GNAL: variants seen among roughly 807,000 people sequenced by gnomAD.
The protein encoded by GNAL is guanine nucleotide-binding protein G(olf) subunit alpha.
In GNAL, 18 loss-of-function variants were observed where a neutral mutation model predicts 55.1. That is an observed-to-expected ratio of 0.33 (90% CI 0.23 to 0.48). The LOEUF (loss-of-function observed/expected upper bound fraction) is 0.48, where lower values mean the gene tolerates loss of function less well. GNAL is among the 20% of genes least tolerant of loss of function. GNAL has a pLI of 0.99. For missense variants in GNAL, 412 were observed against 614.1 expected, an observed-to-expected ratio of 0.67 and a Z score of 3.48; for synonymous variants, 253 against 237.0, an observed-to-expected ratio of 1.07 and a Z score of -0.62.
intron 4 of GNAL, among the ~76,000 whole-genome samples, chr18:11,758,270 G>A (rs1184421672): frequency 6.6e-6 from 1 of 152,052 alleles, no homozygotes; most frequent in Admixed American, 6.5e-5. Context: ...GGGCTTGTTA[G>A]CAAAGGCTTT....
At position 11,811,165 on chromosome 18, in the gene GNAL, C is replaced by T. The variant is rs557588634; in HGVS notation, c.625-13753C>T. 6.6e-5 allele frequency among the ~76,000 whole-genome samples: 10 copies of T among 152,322 alleles called. No individual in the cohort carries two copies. The East Asian group carries it at 1.9e-3, about 29-fold the overall frequency. On this transcript the variant is annotated intron_variant, in intron 4 of 11. Coordinates refer to ENST00000334049, the MANE Select transcript of GNAL (RefSeq NM_182978.4). ...GCCACATTCCTGGGTGCCTTCCTTG[C>T]ACCCAAAGCCGCCAAAGGAGCCTCC...
rs1371097948 is a variant in GNAL, at chr18:11,689,614, CG to C, written c.52del (p.Asp18ThrfsTer64). 1 of 1,347,316 alleles carries C rather than the reference CG, an allele frequency of 7.4e-7. No individual in the cohort carries two copies. Among genetic ancestry groups the C allele is most frequent in the Admixed American group, 4.0e-5 (1 of 24,696 alleles). The allele number at this position is 1,347,316 out of a possible 1,614,324, so 83.5% of individuals were successfully genotyped here. On this transcript the variant is annotated frameshift_variant, in exon 1 of 12. Transcript: ENST00000334049. LOFTEE classifies it high-confidence loss of function. ...RPLLFGGPGD[D>X]PCAASEPPVE... Reference sequence around the variant, plus strand: ...CGCTGCTTTTCGGGGGCCCAGGGGACGACCCCTGCGCGGCCTCGGAGCCGCC... The same window carrying C: ...CGCTGCTTTTCGGGGGCCCAGGGGACACCCCTGCGCGGCCTCGGAGCCGCC...
Position 11,872,349 on chromosome 18 carries a change from A to G in GNAL, c.1113A>G (p.Lys371=). Reference sequence around the variant, plus strand: ...AAAAAGTCTTGGCAGGGAAATCAAAAATTGAAGACTATTTCCCAGAATATG... The same window carrying G: ...AAAAAGTCTTGGCAGGGAAATCAAAGATTGAAGACTATTTCCCAGAATATG... ...LAEKVLAGKS[K]IEDYFPEYAN... is the part of the protein sequence containing the mutation. The change falls in exon 10 of 12, where the codon AAA becomes AAG. Residue 371 remains lysine (K), a synonymous_variant. Coordinates refer to ENST00000334049, the MANE Select transcript of GNAL (RefSeq NM_182978.4). 1 of 1,569,190 alleles carries G rather than the reference A, an allele frequency of 6.4e-7. No individual in the cohort carries two copies.
intron 5 of GNAL, among the ~76,000 whole-genome samples, chr18:11,860,164 C>T (rs1206875925): frequency 2.6e-5 from 4 of 152,160 alleles, no homozygotes; most frequent in African/African-American, 9.7e-5. Context: ...CACAGTTGCC[C>T]CCACTGTTTC....
intron 5 of GNAL, chr18:11,851,332 T>A (rs2035857296): frequency 1.3e-6 from 1 of 772,134 alleles, no homozygotes; most frequent in East Asian, 2.9e-5. Context: ...CCCGGCGCCT[T>A]CCGTCCCGCA....
chr18:11,794,655 G>T (rs1482087661), intron 4 of GNAL, among the ~76,000 whole-genome samples: 3 of 151,476 alleles, frequency 2.0e-5, no homozygotes, highest in Admixed American at 2.0e-4. Flanking sequence ...AACTAGAGGG[G>T]CAGTTACACA....
intron 6 of GNAL, among the ~76,000 whole-genome samples, chr18:11,863,276 C>T (rs954473534): frequency 6.6e-6 from 1 of 152,186 alleles, no homozygotes; most frequent in Non-Finnish European, 1.5e-5. Context: ...TTGCTCAATT[C>T]AGGAGACTTC....
chr18:11,803,842 T>C (rs909009817), intron 4 of GNAL, among the ~76,000 whole-genome samples: 8 of 150,864 alleles, frequency 5.3e-5, no homozygotes, highest in African/African-American at 2.0e-4. Flanking sequence ...AGATACTGTG[T>C]AGTGGTGAAG....
intron 5 of GNAL, among the ~76,000 whole-genome samples, chr18:11,859,097 T>C (rs1167873445): frequency 1.3e-5 from 2 of 152,224 alleles, no homozygotes; most frequent in Non-Finnish European, 2.9e-5. Flanking sequence ...CCATTTTAAA[T>C]AGGTTACTTC....
intron 5 of GNAL, among the ~76,000 whole-genome samples, chr18:11,829,559 C>T (rs1211301430): frequency 6.6e-6 from 1 of 152,160 alleles, no homozygotes; most frequent in African/African-American, 2.4e-5. Flanking sequence ...CAAAATCAGG[C>T]CAGTAACAGG....
intron 5 of GNAL, chr18:11,851,723 G>T: frequency 6.2e-7 from 1 of 1,614,040 alleles, no homozygotes; most frequent in Non-Finnish European, 8.5e-7. Flanking sequence ...ATGAGTGCGC[G>T]AGTCGATGCA....
Position 11,884,924 on chromosome 18 carries a change from T to C in GNAL, c.*3789T>C, listed in dbSNP as rs1003264535. The C allele has an allele frequency of 1.3e-5, 17 of 1,288,252 alleles. No individual in the cohort carries two copies. Among genetic ancestry groups the C allele is most frequent in the African/African-American group, 6.1e-5 (4 of 65,980 alleles). The allele number at this position is 1,288,252 out of a possible 1,614,324, so 79.8% of individuals were successfully genotyped here. The stretch of plus-strand genomic sequence containing the variant: ...CTCACTGGGTTCCCATCAAATATAG[T>C]GGGGGATCCATAACAGAGATTCAGA... On this transcript the variant is annotated 3_prime_UTR_variant, in exon 12 of 12. Transcript: ENST00000334049.
At chr18:11,732,591 G>A (rs2032364408) in intron 1 of GNAL, among the ~76,000 whole-genome samples, 1 of 151,458 alleles carries the variant, frequency 6.6e-6, no homozygotes, top group East Asian at 1.9e-4. Flanking sequence ...ATGGGTATCT[G>A]TTCAAAAAGG....
intron 5 of GNAL, among the ~76,000 whole-genome samples, chr18:11,830,691 A>G (rs2035360537): frequency 6.6e-6 from 1 of 152,196 alleles, no homozygotes; most frequent in Non-Finnish European, 1.5e-5. Flanking sequence ...TCATAGCAAT[A>G]TTTGTCATCA....
intron 4 of GNAL, among the ~76,000 whole-genome samples, chr18:11,755,319 G>T (rs9957311): frequency 6.6e-6 from 1 of 151,914 alleles, no homozygotes; most frequent in East Asian, 1.9e-4. Flanking sequence ...TCTCTCTGTC[G>T]TCCAGGCTGG....
chr18:11,801,855 G>A (rs1392762473), intron 4 of GNAL, among the ~76,000 whole-genome samples: 2 of 152,122 alleles, frequency 1.3e-5, no homozygotes, highest in Non-Finnish European at 2.9e-5. Context: ...GCAGGTCCCG[G>A]GGGTCAGGAG....
chr18:11,858,638 C>G (rs1043984427), intron 5 of GNAL, among the ~76,000 whole-genome samples: 23 of 152,200 alleles, frequency 1.5e-4, no homozygotes, highest in Admixed American at 1.2e-3. Context: ...ATCTACCACT[C>G]TATTATTTAT....
At chr18:11,793,338 G>A (rs963801872) in intron 4 of GNAL, among the ~76,000 whole-genome samples, 1 of 152,304 alleles carries the variant, frequency 6.6e-6, no homozygotes, top group Admixed American at 6.5e-5. Context: ...CATTTTGGGA[G>A]GCTGAGGTGG....
intron 4 of GNAL, among the ~76,000 whole-genome samples, chr18:11,771,542 A>C (rs565973068): frequency 6.6e-6 from 1 of 152,264 alleles, no homozygotes; most frequent in East Asian, 1.9e-4. Context: ...CCCCTAGGAC[A>C]CACTGTCATG....
Sources: allele counts gnomAD v4.1 joint callset (sites outside exome capture counted in the v4.1 genomes callset), GRCh38; gene constraint gnomAD v4.1.1; transcripts MANE v1.5; gene names NCBI Gene and HGNC (gene_info 2026-07-23, HGNC 2026-07-21).